HSH2D: variants seen among roughly 807,000 people sequenced by gnomAD.
The protein encoded by HSH2D is hematopoietic SH2 domain-containing protein.
A neutral mutation model predicts 21.5 loss-of-function variants in HSH2D; 16 were observed. The observed-to-expected ratio is 0.74, with a 90% CI of 0.50 to 1.13. HSH2D has a LOEUF of 1.13. Among genes scored for constraint, HSH2D ranks in the 50% most tolerant of loss-of-function variants. The pLI is 0.00. For missense variants in HSH2D, 418 were observed against 441.4 expected (o/e 0.95, Z 0.47); for synonymous variants, 172 against 184.7 (o/e 0.93, Z 0.56).
At chr19:16,143,177 C>T (rs535542224), upstream of HSH2D, among the ~76,000 whole-genome samples, 3 of 152,040 alleles carry the variant, frequency 2.0e-5, no homozygotes, top group South Asian at 4.2e-4. Context: ...CTCCGCCTCC[C>T]GGGTTCAAGC....
intron 2 of HSH2D, 92 bp downstream of exon 2, chr19:16,148,967 C>T (rs911229512): frequency 2.2e-6 from 3 of 1,369,930 alleles, no homozygotes; most frequent in Non-Finnish European, 3.0e-6. Flanking sequence ...GAATTCTGGA[C>T]TTGGCTCAGC....
chr19:16,152,793 T>C, intron 3 of HSH2D, 152 bp downstream of exon 3: 1 of 762,090 alleles, frequency 1.3e-6, no homozygotes, highest in Non-Finnish European at 2.3e-6. Flanking sequence ...AAGCAATGAG[T>C]GAAGCTTTTG....
chr19:16,152,671 G>A, intron 3 of HSH2D, 30 bp downstream of exon 3: 1 of 1,509,288 alleles, frequency 6.6e-7, no homozygotes. Context: ...CCAGGGCAGG[G>A]GCAGGTGGGC....
chr19:16,144,109 C>T (rs550420173), intron 1 of HSH2D, among the ~76,000 whole-genome samples: 53 of 152,044 alleles, frequency 3.5e-4, no homozygotes, highest in African/African-American at 1.0e-3. Flanking sequence ...TTTGAGCATG[C>T]GGTCTTTCAT....
At chr19:16,152,099 CTG>C (rs2091163445) in intron 2 of HSH2D, among the ~76,000 whole-genome samples, 2 of 110,732 alleles carry the variant, frequency 1.8e-5, no homozygotes, top group African/African-American at 7.0e-5. Context: ...GAGCGAGACT[CTG>C]TCTCAACAAA....
chr19:16,134,766 GTT>G (rs2090949430), intron 1 of HSH2D, among the ~76,000 whole-genome samples: 1 of 152,060 alleles, frequency 6.6e-6, no homozygotes, highest in African/African-American at 2.4e-5. Flanking sequence ...TCACCTCTGT[GTT>G]TCAAACTATT....
intron 5 of HSH2D, chr19:16,154,748 C>T (rs546083059): frequency 3.2e-4 from 108 of 334,028 alleles, no homozygotes; most frequent in Non-Finnish European, 4.8e-4. Context: ...AAGCTAGCCT[C>T]GGGGTCTCTG....
chr19:16,134,339 A>G (rs1334312439), intron 1 of HSH2D: 2 of 152,222 alleles, frequency 1.3e-5, no homozygotes, highest in Non-Finnish European at 2.9e-5. Context: ...TCAGGATTCC[A>G]GACTCCTACA....
At chr19:16,148,622 G>C in intron 1 of HSH2D, 102 bp from the exon 2 acceptor site, 1 of 1,166,072 alleles carries the variant, frequency 8.6e-7, no homozygotes, top group Admixed American at 1.9e-5. Context: ...TGTCCACCCT[G>C]GAGGACTTCT....
chr19:16,143,850 C>G, intron 1 of HSH2D, 76 bp downstream of exon 1: 1 of 327,902 alleles, frequency 3.0e-6, no homozygotes, highest in Non-Finnish European at 6.4e-6. Context: ...AGGGACAGGG[C>G]TAGTGGGGCC....
At chr19:16,152,801 T>C in intron 3 of HSH2D, 160 bp downstream of exon 3, 1 of 759,524 alleles carries the variant, frequency 1.3e-6, no homozygotes, top group Non-Finnish European at 2.3e-6. Flanking sequence ...AGTGAAGCTT[T>C]TGTCCGTAGT....
At chr19:16,141,981 G>A (rs1448198653), upstream of HSH2D, 1 of 152,120 alleles carries the variant, frequency 6.6e-6, no homozygotes, top group Non-Finnish European at 1.5e-5. Flanking sequence ...AGCTACTTGG[G>A]AGCCTGAGGC....
At chr19:16,145,481 G>T (rs2091055542) in intron 1 of HSH2D, among the ~76,000 whole-genome samples, 1 of 152,178 alleles carries the variant, frequency 6.6e-6, no homozygotes, top group Admixed American at 6.6e-5. Context: ...TGACAGTGCT[G>T]GGATTACAGG....
chr19:16,138,301 C>A (rs1391955266), intron 1 of HSH2D, among the ~76,000 whole-genome samples: 2 of 152,206 alleles, frequency 1.3e-5, no homozygotes, highest in Non-Finnish European at 2.9e-5. Flanking sequence ...GTGGCTGAAT[C>A]ATATTTCATG....
chr19:16,137,102 C>T (rs1397163960), intron 1 of HSH2D, among the ~76,000 whole-genome samples: 3 of 152,164 alleles, frequency 2.0e-5, no homozygotes, highest in Admixed American at 1.3e-4. Flanking sequence ...GAGGCCGTTT[C>T]AATGGCACAG....
Position 16,157,664 on chromosome 19 carries a change from A to G in HSH2D, c.929A>G (p.His310Arg). 6.2e-7 allele frequency: 1 copy of G among 1,613,468 alleles called. No homozygotes were observed. Among genetic ancestry groups the G allele is most frequent in the Non-Finnish European group, 8.5e-7 (1 of 1,179,700 alleles). The change falls in exon 6 of 6, where the codon CAC (histidine) becomes CGC (arginine). Residue 310 changes from histidine (H) to arginine (R), a missense_variant. Physicochemically the swap from His to Arg is conservative, Grantham distance 29. Coordinates refer to ENST00000613986, the MANE Select transcript of HSH2D (RefSeq NM_001382417.1). This position sits in a 1 kb window ranked among gnomAD's most constrained non-coding sequence, Gnocchi z 4.4. Reference protein sequence around the residue: ...IEVTPGDRSWHQMVVRALSSQ... With the variant: ...IEVTPGDRSWRQMVVRALSSQ... ...GTGACCCCAGGGGACAGGAGTTGGC[A>G]CCAAATGGTAGTGAGAGCCCTATCC... is the stretch of plus-strand genomic sequence containing the variant.
intron 3 of HSH2D, 50 bp from the exon 4 acceptor site, chr19:16,152,993 G>T (rs780230774): frequency 2.5e-6 from 4 of 1,579,608 alleles, no homozygotes; most frequent in Non-Finnish European, 3.4e-6. Flanking sequence ...GGGACTTGGG[G>T]CAGGGATGAG....
intron 1 of HSH2D, among the ~76,000 whole-genome samples, chr19:16,134,698 G>A (rs931811593): frequency 6.6e-6 from 1 of 152,002 alleles, no homozygotes; most frequent in African/African-American, 2.4e-5. Flanking sequence ...GACCCCTCCC[G>A]AGTTGTAGCC....
At chr19:16,156,935 G>A (rs1480270004) in intron 5 of HSH2D, among the ~76,000 whole-genome samples, 5 of 151,644 alleles carry the variant, frequency 3.3e-5, no homozygotes, top group Non-Finnish European at 7.4e-5. Flanking sequence ...GCAGTGAGCC[G>A]AGATTGTGCC....
Sources: allele counts gnomAD v4.1 joint callset (sites outside exome capture counted in the v4.1 genomes callset), GRCh38; gene constraint gnomAD v4.1.1; non-coding constraint Gnocchi (gnomAD v3.1); transcripts MANE v1.5; gene names NCBI Gene and HGNC (gene_info 2026-07-23, HGNC 2026-07-21).